INSL6: variants seen among roughly 807,000 people sequenced by gnomAD.
INSL6 encodes the protein insulin like 6, also known as insulin-like peptide INSL6.
A neutral mutation model predicts 9.4 loss-of-function variants in INSL6; 16 were observed. The observed-to-expected ratio is 1.70, with a 90% CI of 1.15 to 2.59. INSL6 has a LOEUF of 2.59. Ranked by LOEUF, INSL6 falls within the 30% of genes most tolerant of loss-of-function variation. INSL6 has a pLI of 0.00. For synonymous variants in INSL6, 154 were observed against 96.9 expected, an observed-to-expected ratio of 1.59 and a Z score of -3.46; for missense variants, 391 against 257.3, an observed-to-expected ratio of 1.52 and a Z score of -3.56.
the INSL6 span, among the ~76,000 whole-genome samples, chr9:5,004,666 T>C: frequency 6.6e-6 from 1 of 152,206 alleles, no homozygotes; most frequent in Non-Finnish European, 1.5e-5. Context: ...TGCTAAATCA[T>C]ATGGTAGTTC....
rs575184573 is a variant in INSL6, at chr9:5,143,910, T to G, written c.377-10318A>C. 4.5e-4 allele frequency among the ~76,000 whole-genome samples: 68 copies of G among 151,908 alleles called. No homozygotes were observed. The South Asian group carries it at 0.014, about 31-fold the overall frequency. On this transcript the variant is annotated intron_variant, in intron 2 of 3. Coordinates refer to the INSL6 transcript ENST00000649639. ...CCTGACCTCAGGTAATACACCCGCC[T>G]CAGCCTCCCAAAGTGCTGGGATTAC...
chr9:5,104,648 G>A, the INSL6 span, among the ~76,000 whole-genome samples: 2 of 152,118 alleles, frequency 1.3e-5, no homozygotes, highest in African/African-American at 4.8e-5. Context: ...ACGTCGATGT[G>A]AAAATCCTCA....
the INSL6 span, among the ~76,000 whole-genome samples, chr9:5,001,634 T>A: frequency 6.6e-6 from 1 of 152,048 alleles, no homozygotes; most frequent in Non-Finnish European, 1.5e-5. Context: ...AATTTTTTTT[T>A]TTTTTTATGA....
chr9:5,114,098 C>A, the INSL6 span: 1 of 342,576 alleles, frequency 2.9e-6, no homozygotes, highest in East Asian at 7.2e-5. Flanking sequence ...GCTGGCTGCC[C>A]GACCACACCT....
intron 1 of INSL6, among the ~76,000 whole-genome samples, chr9:5,166,287 C>T (rs1158725112): frequency 6.6e-6 from 1 of 151,376 alleles, no homozygotes; most frequent in Non-Finnish European, 1.5e-5. Context: ...CACTTCTATA[C>T]CTTGTTTGTT....
the INSL6 span, chr9:5,109,292 C>G: frequency 6.6e-6 from 1 of 152,142 alleles, no homozygotes; most frequent in Non-Finnish European, 1.5e-5. Context: ...GCTTTACATG[C>G]TGTAGCTATA....
chr9:5,105,140 G>A, the INSL6 span, among the ~76,000 whole-genome samples: 39,694 of 152,056 alleles, frequency 0.26, 5,362 homozygotes, highest in African/African-American at 0.33. Flanking sequence ...CAGATGACAC[G>A]ACTGTATATT....
chr9:5,031,101 C>T, the INSL6 span, among the ~76,000 whole-genome samples: 1 of 152,054 alleles, frequency 6.6e-6, no homozygotes, highest in South Asian at 2.1e-4. Context: ...TAGGACATAA[C>T]ATTGGAATGG....
At chr9:5,118,117 C>T in the INSL6 span, among the ~76,000 whole-genome samples, 4 of 152,138 alleles carry the variant, frequency 2.6e-5, no homozygotes, top group Admixed American at 1.3e-4. Context: ...GCGGAGACCT[C>T]GCCACTGCAC....
the INSL6 span, among the ~76,000 whole-genome samples, chr9:5,006,357 C>T: frequency 6.6e-6 from 1 of 152,076 alleles, no homozygotes; most frequent in South Asian, 2.1e-4. Flanking sequence ...TGAGACTTTG[C>T]TGAAGTTGCT....
At chr9:5,160,458 G>A (rs1208344927), downstream of INSL6, among the ~76,000 whole-genome samples, 1 of 152,104 alleles carries the variant, frequency 6.6e-6, no homozygotes, top group African/African-American at 2.4e-5. Context: ...AGTACTGAGA[G>A]AGAAGAATGT....
downstream of INSL6, among the ~76,000 whole-genome samples, chr9:5,159,297 T>A (rs1224903768): frequency 6.6e-6 from 1 of 150,722 alleles, no homozygotes; most frequent in Non-Finnish European, 1.5e-5. Flanking sequence ...TACTTGTCAA[T>A]AACAAAATTG....
chr9:5,037,527 A>T, the INSL6 span, among the ~76,000 whole-genome samples: 1 of 152,240 alleles, frequency 6.6e-6, no homozygotes, highest in Non-Finnish European at 1.5e-5. Flanking sequence ...CTGTGCAGCC[A>T]TGAAAAATGA....
chr9:5,028,356 G>A, the INSL6 span, among the ~76,000 whole-genome samples: 7 of 152,242 alleles, frequency 4.6e-5, no homozygotes, highest in Non-Finnish European at 8.8e-5. Context: ...AGTAAACCAC[G>A]CTATATACAG....
At chr9:5,183,405 C>T (rs1043348197) in intron 1 of INSL6, among the ~76,000 whole-genome samples, 1 of 152,124 alleles carries the variant, frequency 6.6e-6, no homozygotes. Flanking sequence ...TTTTCAGATA[C>T]ATTTTTATTT....
At chr9:5,013,083 G>C in the INSL6 span, among the ~76,000 whole-genome samples, 1 of 152,072 alleles carries the variant, frequency 6.6e-6, no homozygotes, top group South Asian at 2.1e-4. Context: ...GAAGAATAAA[G>C]GTTGACCAAA....
intron 3 of INSL6, chr9:5,131,975 A>T (rs1824301250): frequency 6.6e-6 from 1 of 152,166 alleles, no homozygotes; most frequent in African/African-American, 2.4e-5. Context: ...AGACAGTGTG[A>T]ATCTCATGGT....
chr9:5,164,347 G>T, intron 1 of INSL6, 82 bp from the exon 2 acceptor site: 2 of 851,442 alleles, frequency 2.3e-6, no homozygotes, highest in Non-Finnish European at 1.9e-6. Context: ...AGTAAAATCA[G>T]CTAATTATTA....
chr9:5,185,625 T>G lies in INSL6; in HGVS notation c.-23A>C, dbSNP rs911289225. The G allele has an allele frequency of 3.1e-6, 5 of 1,601,366 alleles. No individual in the cohort carries two copies. The South Asian group carries it at 3.3e-5, about 11-fold the overall frequency. Reference sequence around the variant, plus strand: ...CATCCCTGTGACCCCAGGCTAGTCCTCCGCGTTGTGCAATGGCGGTCGGCC... The same window carrying G: ...CATCCCTGTGACCCCAGGCTAGTCCGCCGCGTTGTGCAATGGCGGTCGGCC... On this transcript the variant is annotated 5_prime_UTR_variant, in exon 1 of 2. Coordinates refer to ENST00000381641, the MANE Select transcript of INSL6 (RefSeq NM_007179.3).
Sources: gnomAD v4.1 joint callset for allele counts (sites outside exome capture counted in the v4.1 genomes callset) on GRCh38, gnomAD v4.1.1 for gene constraint, MANE v1.5 for transcripts, NCBI Gene and HGNC (gene_info 2026-07-23, HGNC 2026-07-21) for gene names.